KCNN2: variants seen among roughly 807,000 people sequenced by gnomAD.
The protein encoded by KCNN2 is small conductance calcium-activated potassium channel protein 2.
A neutral mutation model predicts 55.5 loss-of-function variants in KCNN2; 24 were observed. The ratio of observed to expected loss-of-function variants is 0.43; its 90% CI spans 0.31 to 0.61. The LOEUF (loss-of-function observed/expected upper bound fraction) is 0.61. Ranked by LOEUF, KCNN2 falls within the 20% of genes least tolerant of loss-of-function variation. The pLI, the probability that KCNN2 is intolerant of heterozygous loss-of-function variation, is 0.08. For missense variants in KCNN2, 754 were observed against 853.6 expected (o/e 0.88, Z 1.45); for synonymous variants, 431 against 336.1 (o/e 1.28, Z -3.09).
At chr5:114,416,430 C>T (rs1201114071) in intron 3 of KCNN2, among the ~76,000 whole-genome samples, 1 of 152,100 alleles carries the variant, frequency 6.6e-6, no homozygotes, top group Non-Finnish European at 1.5e-5. Context: ...TTTTTATGAC[C>T]GTCCACAGTC....
At chr5:114,142,221 A>T (rs1326832239) in intron 1 of KCNN2, among the ~76,000 whole-genome samples, 1 of 152,124 alleles carries the variant, frequency 6.6e-6, no homozygotes, top group African/African-American at 2.4e-5. Context: ...CTATGTCCTG[A>T]ATGGTATTAC....
At chr5:114,202,740 C>A (rs886699465) in intron 1 of KCNN2, among the ~76,000 whole-genome samples, 3 of 151,516 alleles carry the variant, frequency 2.0e-5, no homozygotes, top group Non-Finnish European at 2.9e-5. Context: ...GCGCCTGCCA[C>A]CACGCCTGGC....
At chr5:114,215,020 C>T (rs1753973119) in intron 1 of KCNN2, among the ~76,000 whole-genome samples, 1 of 152,052 alleles carries the variant, frequency 6.6e-6, no homozygotes, top group Non-Finnish European at 1.5e-5. Context: ...TTACTTGTTA[C>T]CTCCACAAAA....
chr5:114,095,693 G>C (rs900013012), intron 1 of KCNN2, among the ~76,000 whole-genome samples: 1 of 152,054 alleles, frequency 6.6e-6, no homozygotes, highest in African/African-American at 2.4e-5. Context: ...AGTACAGCAG[G>C]CTTCCTCTAG....
intron 1 of KCNN2, among the ~76,000 whole-genome samples, chr5:114,186,266 G>A (rs1193716174): frequency 1.3e-5 from 2 of 152,026 alleles, no homozygotes; most frequent in Non-Finnish European, 2.9e-5. Context: ...GGTATAGTAT[G>A]GCAATCCCCG....
Position 114,241,786 on chromosome 5 carries a change from A to ATGTGTG in KCNN2, c.-185+20222_-185+20223insGTGTGT, listed in dbSNP as rs1162352789. 4.2e-4 allele frequency among the ~76,000 whole-genome samples: 10 copies of ATGTGTG among 24,072 alleles called. 1 individual carries two copies. Among genetic ancestry groups the ATGTGTG allele is most frequent in the African/African-American group, 6.5e-4 (3 of 4,610 alleles). The allele number at this position is 24,072 out of a possible 152,430, so 15.8% of individuals were successfully genotyped here. A position where few individuals can be genotyped will look rare whatever the true frequency, so the allele number is the denominator to read the frequency against. ...TACGTATATATATACATATATACGTATATATATGTATATATATACGTATAT... is the reference window on the plus strand; with the variant it reads ...TACGTATATATATACATATATACGTATGTGTGTATATATGTATATATATACGTATAT... On this transcript the variant is annotated intron_variant, in intron 2 of 10. Transcript: ENST00000512097.
At chr5:114,276,305 G>A (rs1177082205) in intron 2 of KCNN2, among the ~76,000 whole-genome samples, 6 of 152,172 alleles carry the variant, frequency 3.9e-5, no homozygotes, top group Non-Finnish European at 8.8e-5. Context: ...TGTATATTCT[G>A]TTGATTTGGG....
At chr5:114,098,946 G>A (rs1411287233) in intron 1 of KCNN2, among the ~76,000 whole-genome samples, 1 of 152,062 alleles carries the variant, frequency 6.6e-6, no homozygotes, top group Non-Finnish European at 1.5e-5. Flanking sequence ...CCACATCCTT[G>A]AGAGAAGGCT....
chr5:114,187,117 T>G (rs1202592452), intron 1 of KCNN2, among the ~76,000 whole-genome samples: 1 of 152,222 alleles, frequency 6.6e-6, no homozygotes, highest in East Asian at 1.9e-4. Context: ...GTTTTTAATA[T>G]TCATAGTTAT....
At chr5:114,407,583 C>G (rs1488844467) in intron 3 of KCNN2, among the ~76,000 whole-genome samples, 1 of 152,120 alleles carries the variant, frequency 6.6e-6, no homozygotes, top group Non-Finnish European at 1.5e-5. Context: ...ATACATACTT[C>G]AAATTTGTCA....
chr5:114,462,318 G>C (rs1453303883), intron 3 of KCNN2, among the ~76,000 whole-genome samples: 1 of 152,112 alleles, frequency 6.6e-6, no homozygotes, highest in Admixed American at 6.6e-5. Context: ...AGAATGATTA[G>C]GATACTTTGT....
chr5:114,089,382 A>G (rs1256604932), intron 1 of KCNN2, among the ~76,000 whole-genome samples: 1 of 152,106 alleles, frequency 6.6e-6, no homozygotes, highest in African/African-American at 2.4e-5. Flanking sequence ...GTTGAGTGTG[A>G]CGTCTTCAAT....
At chr5:114,097,410 G>C (rs1751281140) in intron 1 of KCNN2, among the ~76,000 whole-genome samples, 1 of 152,126 alleles carries the variant, frequency 6.6e-6, no homozygotes, top group Non-Finnish European at 1.5e-5. Context: ...TCTGTGTCCT[G>C]TAGTTGATGG....
chr5:114,373,648 A>G (rs1325801716), intron 2 of KCNN2, among the ~76,000 whole-genome samples: 1 of 108,542 alleles, frequency 9.2e-6, no homozygotes, highest in Non-Finnish European at 1.9e-5. Flanking sequence ...TTTTATATAT[A>G]TATATATATA....
chr5:114,149,353 A>C (rs1752468909), intron 1 of KCNN2, among the ~76,000 whole-genome samples: 1 of 152,102 alleles, frequency 6.6e-6, no homozygotes, highest in Non-Finnish European at 1.5e-5. Context: ...TGGGTGCCAG[A>C]TATTGCAGGA....
At chr5:114,362,046 C>T (rs997018057), upstream of KCNN2, 1 of 153,648 alleles carries the variant, frequency 6.5e-6, no homozygotes, top group African/African-American at 2.4e-5. Flanking sequence ...TGGGCCCTTC[C>T]TCGCACCAGC....
At chr5:114,278,939 G>A (rs552904659) in intron 2 of KCNN2, among the ~76,000 whole-genome samples, 1 of 152,090 alleles carries the variant, frequency 6.6e-6, no homozygotes, top group Non-Finnish European at 1.5e-5. Flanking sequence ...AGAAATCACC[G>A]ATCTTCTGCA....
At chr5:114,248,011 A>C (rs950118539) in intron 2 of KCNN2, among the ~76,000 whole-genome samples, 5 of 152,216 alleles carry the variant, frequency 3.3e-5, no homozygotes, top group African/African-American at 1.2e-4. Context: ...GACTTAGAAC[A>C]GAACTCTAGA....
chr5:114,437,610 G>T (rs1441131622), intron 3 of KCNN2, among the ~76,000 whole-genome samples: 3 of 152,174 alleles, frequency 2.0e-5, no homozygotes, highest in East Asian at 3.8e-4. Flanking sequence ...CAGGTTTGGG[G>T]ACTATTGAAA....
Sources: gnomAD v4.1 joint callset for allele counts (sites outside exome capture counted in the v4.1 genomes callset) on GRCh38, gnomAD v4.1.1 for gene constraint, MANE v1.5 for transcripts, NCBI Gene and HGNC (gene_info 2026-07-23, HGNC 2026-07-21) for gene names.